Variants in PBX1 observed in about 807,000 individuals in gnomAD.
The protein encoded by PBX1 is pre-B-cell leukemia transcription factor 1.
A neutral mutation model predicts 53.4 loss-of-function variants in PBX1; 6 were observed. The observed-to-expected ratio is 0.11, with a 90% CI of 0.06 to 0.22. The LOEUF (loss-of-function observed/expected upper bound fraction) is 0.22, where lower values mean the gene tolerates loss of function less well. Among genes scored for constraint, PBX1 ranks in the 10% least tolerant of loss-of-function variants. The pLI is 1.00. For missense variants in PBX1, 251 were observed against 551.4 expected, an observed-to-expected ratio of 0.46 and a Z score of 5.46; for synonymous variants, 204 against 212.3, an observed-to-expected ratio of 0.96 and a Z score of 0.34.
intron 2 of PBX1, among the ~76,000 whole-genome samples, chr1:164,577,218 T>G (rs1654314313): frequency 6.6e-6 from 1 of 152,152 alleles, no homozygotes; most frequent in African/African-American, 2.4e-5. Context: ...CCTAGGGAGA[T>G]TTTTAACCCA....
intron 2 of PBX1, among the ~76,000 whole-genome samples, chr1:164,709,848 C>G (rs951572098): frequency 6.6e-6 from 1 of 152,140 alleles, no homozygotes; most frequent in Non-Finnish European, 1.5e-5. Flanking sequence ...CAGTGAAATA[C>G]CAGAAGTCGT....
At chr1:164,661,078 T>A (rs770179763) in intron 2 of PBX1, among the ~76,000 whole-genome samples, 1 of 152,212 alleles carries the variant, frequency 6.6e-6, no homozygotes, top group Non-Finnish European at 1.5e-5. Context: ...CTTATTTAAG[T>A]AAACACAGAC....
rs1233262359 is a variant in PBX1 at position 164,609,747 on chromosome 1, CAG to C, written c.265+46440_265+46441del. 5.3e-5 allele frequency among the ~76,000 whole-genome samples: 8 copies of C among 152,214 alleles called. No homozygotes were observed. The South Asian group carries it at 1.0e-3, about 20-fold the overall frequency. On this transcript the variant is annotated intron_variant, in intron 2 of 8. Coordinates refer to ENST00000420696, the MANE Select transcript of PBX1 (RefSeq NM_002585.4). ...AGGAAGGGGTAGACAGGCTTAGAGG[CAG>C]AGACTATTCTTACCTGGCTTACAGT...
chr1:164,756,514 G>A (rs952311748), intron 2 of PBX1, among the ~76,000 whole-genome samples: 3 of 152,008 alleles, frequency 2.0e-5, no homozygotes, highest in East Asian at 3.9e-4. Flanking sequence ...TTTAAAAAAC[G>A]TACACTTAGT....
intron 2 of PBX1, among the ~76,000 whole-genome samples, chr1:164,574,540 G>T (rs1654087748): frequency 2.0e-5 from 3 of 152,058 alleles, no homozygotes; most frequent in Admixed American, 2.0e-4. Context: ...CTTTTTCATT[G>T]TTATGGCAGC....
At chr1:164,784,693 T>G (rs1205591935) in intron 2 of PBX1, among the ~76,000 whole-genome samples, 1 of 152,162 alleles carries the variant, frequency 6.6e-6, no homozygotes, top group East Asian at 1.9e-4. Flanking sequence ...ATCTAAGAGC[T>G]CCTCGCAGGA....
chr1:164,883,479 A>G (rs1368287182), intron 2 of PBX1, among the ~76,000 whole-genome samples: 2 of 152,232 alleles, frequency 1.3e-5, no homozygotes, highest in African/African-American at 4.8e-5. Flanking sequence ...AAATATCTTT[A>G]TAATTCTATC....
At position 164,688,919 on chromosome 1, in the gene PBX1, G is replaced by C. The variant is rs142131997; in HGVS notation, c.266-103575G>C. ...TCACTATTTGACTAAGGAATAGGAG[G>C]GAACAACCCCGTCTTGCCTCATCCC... On this transcript the variant is annotated intron_variant, in intron 2 of 8. Transcript: ENST00000420696. 3.4e-3 allele frequency among the ~76,000 whole-genome samples: 519 copies of C among 152,322 alleles called. 3 individuals carry two copies. Among genetic ancestry groups the C allele is most frequent in the African/African-American group, 0.012 (493 of 41,574 alleles).
intron 2 of PBX1, among the ~76,000 whole-genome samples, chr1:164,609,226 C>A (rs1216598592): frequency 6.6e-6 from 1 of 151,966 alleles, no homozygotes; most frequent in African/African-American, 2.4e-5. Flanking sequence ...CTTAACATTG[C>A]CTTTTTTATT....
chr1:164,609,010 C>T (rs904396988), intron 2 of PBX1, among the ~76,000 whole-genome samples: 6 of 152,094 alleles, frequency 3.9e-5, no homozygotes, highest in African/African-American at 1.4e-4. Context: ...TTTGGAGCTC[C>T]ACTGTCTGAG....
At chr1:164,815,575 G>A (rs1669840443) in intron 6 of PBX1, 2 of 152,248 alleles carry the variant, frequency 1.3e-5, no homozygotes, top group African/African-American at 4.8e-5. Flanking sequence ...ACTCAGGTTA[G>A]CATGGCTGGA....
chr1:164,635,441 A>T (rs542643621), intron 2 of PBX1, among the ~76,000 whole-genome samples: 1 of 152,348 alleles, frequency 6.6e-6, no homozygotes, highest in South Asian at 2.1e-4. Flanking sequence ...TACTCTACTT[A>T]AACCAGACCA....
chr1:164,782,025 A>G (rs1433749091), intron 2 of PBX1, among the ~76,000 whole-genome samples: 2 of 152,274 alleles, frequency 1.3e-5, no homozygotes, highest in Non-Finnish European at 2.9e-5. Flanking sequence ...CAAACAAAAC[A>G]AAACCCTCTG....
chr1:164,665,552 G>A (rs1271071436), intron 2 of PBX1, among the ~76,000 whole-genome samples: 1 of 152,172 alleles, frequency 6.6e-6, no homozygotes, highest in Non-Finnish European at 1.5e-5. Context: ...CTTCCAAAGT[G>A]CTGGGATTAC....
intron 2 of PBX1, among the ~76,000 whole-genome samples, chr1:164,861,536 T>C (rs1672098119): frequency 6.6e-6 from 1 of 152,142 alleles, no homozygotes; most frequent in African/African-American, 2.4e-5. Context: ...GGCACTAGAC[T>C]AGGTAATAAG....
intron 2 of PBX1, among the ~76,000 whole-genome samples, chr1:164,738,142 T>G (rs1262151519): frequency 6.6e-6 from 1 of 152,212 alleles, no homozygotes; most frequent in Non-Finnish European, 1.5e-5. Context: ...ATGTGTTTCT[T>G]CGTTCATCCA....
intron 2 of PBX1, among the ~76,000 whole-genome samples, chr1:164,659,588 A>G (rs1472022529): frequency 6.6e-6 from 1 of 152,212 alleles, no homozygotes; most frequent in Non-Finnish European, 1.5e-5. Context: ...TGGGAAGGAC[A>G]TCTTTTTGCT....
intron 2 of PBX1, among the ~76,000 whole-genome samples, chr1:164,736,585 TATACATTATCCTCCAGAAA>T (rs1557975249): frequency 6.6e-6 from 1 of 152,174 alleles, no homozygotes; most frequent in Non-Finnish European, 1.5e-5. Flanking sequence ...AACAATGACA[TATACATTATCCTCCAGAAA>T]ATACATAGAT....
intron 2 of PBX1, among the ~76,000 whole-genome samples, chr1:164,776,980 GA>G (rs1667701246): frequency 1.7e-3 from 95 of 54,460 alleles, no homozygotes; most frequent in African/African-American, 4.2e-3. Flanking sequence ...AGAGAGAGAG[GA>G]GGTGTGGGGG....
Sources: gnomAD v4.1 joint callset for allele counts (sites outside exome capture counted in the v4.1 genomes callset) on GRCh38, gnomAD v4.1.1 for gene constraint, MANE v1.5 for transcripts, NCBI Gene and HGNC (gene_info 2026-07-23, HGNC 2026-07-21) for gene names.